Variants in DCDC2C observed in about 807,000 individuals in gnomAD.
DCDC2C encodes the protein doublecortin domain-containing protein 2C.
Under a neutral mutation model 45.0 loss-of-function variants are expected in DCDC2C, and 44 were observed. That is an observed-to-expected ratio of 0.98 (90% CI 0.77 to 1.26). The LOEUF (loss-of-function observed/expected upper bound fraction) is 1.26. Ranked by LOEUF, DCDC2C falls within the 50% of genes most tolerant of loss-of-function variation. DCDC2C has a pLI of 0.00. For missense variants in DCDC2C, 447 were observed against 468.9 expected, an observed-to-expected ratio of 0.95 and a Z score of 0.43; for synonymous variants, 187 against 178.8, an observed-to-expected ratio of 1.05 and a Z score of -0.37.
intron 10 of DCDC2C, among the ~76,000 whole-genome samples, chr2:3,844,884 C>T (rs867534859): frequency 7.2e-5 from 11 of 152,264 alleles, no homozygotes; most frequent in Admixed American, 2.0e-4. Context: ...AGCCACTTTG[C>T]GAACGGCACA....
intron 10 of DCDC2C, among the ~76,000 whole-genome samples, chr2:3,824,471 G>A (rs1454274498): frequency 6.6e-6 from 1 of 152,222 alleles, no homozygotes; most frequent in African/African-American, 2.4e-5. Flanking sequence ...TGTAGAGACT[G>A]AGGTAAACAG....
chr2:3,726,597 T>A (rs1049524828), intron 2 of DCDC2C, among the ~76,000 whole-genome samples: 3 of 152,196 alleles, frequency 2.0e-5, no homozygotes, highest in Admixed American at 6.5e-5. Flanking sequence ...AGAAGTGACA[T>A]GTCCATTCTT....
chr2:3,794,380 T>TATA lies in DCDC2C; in HGVS notation c.1065+9281_1065+9283dup, dbSNP rs1362909525. ...TATTTTTAAATTTATTTATTATTATTATACTTTAAGTTTTAGGGTACATGT... is the reference window on the plus strand; with the variant it reads ...TATTTTTAAATTTATTTATTATTATTATAATACTTTAAGTTTTAGGGTACATGT... On this transcript the variant is annotated intron_variant, in intron 10 of 10. Coordinates refer to ENST00000399143, the MANE Select transcript of DCDC2C (RefSeq NM_001287444.2). Among the ~76,000 whole-genome samples the TATA allele has an allele frequency of 2.6e-5, 4 of 152,288 alleles. No individual in the cohort carries two copies. In the East Asian group the frequency reaches 7.7e-4, roughly 29 times the overall value.
At chr2:3,776,999 C>T (rs1013301304) in intron 8 of DCDC2C, among the ~76,000 whole-genome samples, 19 of 152,284 alleles carry the variant, frequency 1.2e-4, no homozygotes, top group Non-Finnish European at 2.4e-4. Flanking sequence ...AATCTCTCCA[C>T]CCCTCTCTGC....
At position 3,826,990 on chromosome 2, in the gene DCDC2C, G is replaced by A. The variant is rs12711980; in HGVS notation, c.1066-20164G>A. Among the ~76,000 whole-genome samples, 700 of 150,142 alleles carry A rather than the reference G, an allele frequency of 4.7e-3. 6 individuals carry two copies. Among genetic ancestry groups the A allele is most frequent in the Non-Finnish European group, 8.2e-3 (552 of 67,650 alleles). The stretch of plus-strand genomic sequence containing the variant: ...CTTCCTCCCTCCAATTGTTTATTAA[G>A]TGGACCTATGTGTGAGGACCTGAAT... On this transcript the variant is annotated intron_variant, in intron 10 of 10. Transcript: ENST00000399143.
At chr2:3,733,862 C>T (rs1328595492) in intron 3 of DCDC2C, among the ~76,000 whole-genome samples, 1 of 152,168 alleles carries the variant, frequency 6.6e-6, no homozygotes, top group African/African-American at 2.4e-5. Context: ...AATCATCCCA[C>T]CAGGGGTCTG....
chr2:3,835,502 G>A (rs563859921), intron 10 of DCDC2C, among the ~76,000 whole-genome samples: 4 of 152,138 alleles, frequency 2.6e-5, no homozygotes, highest in Non-Finnish European at 4.4e-5. Flanking sequence ...AGATGGGAGC[G>A]TGACTCTCAC....
chr2:3,807,191 C>T (rs1270880081), intron 10 of DCDC2C, among the ~76,000 whole-genome samples: 1 of 152,052 alleles, frequency 6.6e-6, no homozygotes, highest in Admixed American at 6.6e-5. Flanking sequence ...CCGGGATCTT[C>T]CCTATCAGAT....
chr2:3,751,002 C>A (rs1372163386), intron 4 of DCDC2C, among the ~76,000 whole-genome samples: 1 of 152,214 alleles, frequency 6.6e-6, no homozygotes, highest in Non-Finnish European at 1.5e-5. Context: ...TACGACTCAC[C>A]CCTATTGTGA....
chr2:3,726,312 C>G (rs1045646668), intron 2 of DCDC2C, among the ~76,000 whole-genome samples: 1 of 152,070 alleles, frequency 6.6e-6, no homozygotes, highest in East Asian at 1.9e-4. Flanking sequence ...TGGGGGTTAA[C>G]ATCCCTTCCC....
At position 3,836,107 on chromosome 2, in the gene DCDC2C, C is replaced by A. The variant is rs1022278599; in HGVS notation, c.1066-11047C>A. ...AAAACATTATGGTAGGGAAATCTGA[C>A]CAGCGCCACCCACCTGTGGTCAAGG... On this transcript the variant is annotated intron_variant, in intron 10 of 10. Transcript: ENST00000399143. Among the ~76,000 whole-genome samples, 18 of 152,208 alleles carry A rather than the reference C, an allele frequency of 1.2e-4. 1 individual carries two copies. Among genetic ancestry groups the A allele is most frequent in the Middle Eastern group, 3.4e-3 (1 of 294 alleles).
intron 10 of DCDC2C, among the ~76,000 whole-genome samples, chr2:3,815,599 A>G (rs1671536113): frequency 6.6e-6 from 1 of 152,236 alleles, no homozygotes. Flanking sequence ...TGTGTGAGCA[A>G]CAAGGCTGTT....
chr2:3,741,755 T>C (rs73144812), intron 3 of DCDC2C, among the ~76,000 whole-genome samples, 165 bp from the exon 4 acceptor site: 2,589 of 152,116 alleles, frequency 0.017, 75 homozygotes, highest in African/African-American at 0.059. Flanking sequence ...TGTGACATTC[T>C]GTACAGCTTG....
At chr2:3,712,009 G>A (rs772666217) in intron 2 of DCDC2C, among the ~76,000 whole-genome samples, 1 of 152,098 alleles carries the variant, frequency 6.6e-6, no homozygotes, top group Non-Finnish European at 1.5e-5. Flanking sequence ...CCCTAGAAAG[G>A]GTTTGCCATT....
rs116458517 is a variant in DCDC2C at position 3,840,353 on chromosome 2, G to A, written c.1066-6801G>A. On this transcript the variant is annotated intron_variant, in intron 10 of 10. Coordinates refer to ENST00000399143, the MANE Select transcript of DCDC2C (RefSeq NM_001287444.2). ...GAGGAAATGCCACTGCATGCAGCTC[G>A]CTGCCCGCTGTGAACTCCTATGAGG... is the stretch of plus-strand genomic sequence containing the variant. 4.6e-3 allele frequency among the ~76,000 whole-genome samples: 703 copies of A among 152,288 alleles called. 4 individuals carry two copies. The highest frequency in any genetic ancestry group is 8.4e-3 in the Admixed American group (128 of 15,302).
chr2:3,846,614 T>G (rs1352285281), intron 10 of DCDC2C, among the ~76,000 whole-genome samples: 1 of 152,172 alleles, frequency 6.6e-6, no homozygotes, highest in Non-Finnish European at 1.5e-5. Context: ...GATACATAAT[T>G]TAAAAAATTT....
intron 3 of DCDC2C, among the ~76,000 whole-genome samples, chr2:3,732,955 A>G (rs1246840037): frequency 6.6e-6 from 1 of 152,130 alleles, no homozygotes; most frequent in Non-Finnish European, 1.5e-5. Flanking sequence ...CGACTAATAT[A>G]TTGTATTTAT....
rs535297510 is a variant in DCDC2C at position 3,757,687 on chromosome 2, C to T, written c.726+3053C>T. Among the ~76,000 whole-genome samples the T allele has an allele frequency of 5.9e-5, 9 of 152,310 alleles. No homozygotes were observed. The East Asian group carries it at 1.7e-3, about 29-fold the overall frequency. ...ATGAGTGGAGTGTAAGTTTCCACGA[C>T]TGGAGAAGGCAGAGTGTCGATAAGC... is the stretch of plus-strand genomic sequence containing the variant. On this transcript the variant is annotated intron_variant, in intron 6 of 10. Coordinates refer to ENST00000399143, the MANE Select transcript of DCDC2C (RefSeq NM_001287444.2).
intron 1 of DCDC2C, 80 bp downstream of exon 1, chr2:3,704,118 C>G (rs1220732355): frequency 2.6e-6 from 3 of 1,147,096 alleles, no homozygotes; most frequent in Non-Finnish European, 3.3e-6. Flanking sequence ...GCCGTGCCCC[C>G]CAGGTGTCCT....
Sources: allele counts gnomAD v4.1 joint callset (sites outside exome capture counted in the v4.1 genomes callset), GRCh38; gene constraint gnomAD v4.1.1; transcripts MANE v1.5; gene names NCBI Gene and HGNC (gene_info 2026-07-23, HGNC 2026-07-21).